The following ANKS1B variants were observed in gnomAD, a reference collection of about 807,000 sequenced individuals.
The protein encoded by ANKS1B is ankyrin repeat and sterile alpha motif domain containing 1B.
A neutral mutation model predicts 148.3 loss-of-function variants in ANKS1B; 36 were observed. The ratio of observed to expected loss-of-function variants is 0.24; its 90% confidence interval spans 0.19 to 0.32. The LOEUF is 0.32. ANKS1B is among the 10% of genes least tolerant of loss of function. ANKS1B has a pLI of 1.00. For missense variants in ANKS1B, 1,157 were observed against 1,542.6 expected (o/e 0.75, Z 4.19); for synonymous variants, 542 against 560.8 (o/e 0.97, Z 0.47).
At chr12:99,916,971 T>C (rs1272805180) in intron 1 of ANKS1B, among the ~76,000 whole-genome samples, 2 of 152,204 alleles carry the variant, frequency 1.3e-5, no homozygotes, top group Admixed American at 6.5e-5. Flanking sequence ...TACAAAAAGA[T>C]CACTCATGTT....
rs1030060354 is a variant in ANKS1B, at chr12:99,065,583, A to T, written c.2626-12274T>A. 1.0e-4 allele frequency among the ~76,000 whole-genome samples: 15 copies of T among 149,348 alleles called. 1 individual carries two copies. Among genetic ancestry groups the T allele is most frequent in the African/African-American group, 3.8e-4 (15 of 39,866 alleles). On this transcript the variant is annotated intron_variant, in intron 16 of 26. Coordinates refer to ENST00000683438, the MANE Select transcript of ANKS1B (RefSeq NM_001352186.2). ...TTACAAAAATGAGGACCTACCATCCATTCCATTCATCCATCCATCCATCCA... is the reference window on the plus strand; with the variant it reads ...TTACAAAAATGAGGACCTACCATCCTTTCCATTCATCCATCCATCCATCCA...
At chr12:99,494,127 C>T (rs1595850700) in intron 10 of ANKS1B, among the ~76,000 whole-genome samples, 4 of 152,212 alleles carry the variant, frequency 2.6e-5, no homozygotes, top group Admixed American at 2.6e-4. Flanking sequence ...GGAGGTGTCG[C>T]CAACCTGTGC....
intron 1 of ANKS1B, among the ~76,000 whole-genome samples, chr12:99,956,446 A>G (rs972459429): frequency 1.3e-5 from 2 of 152,170 alleles, no homozygotes; most frequent in Non-Finnish European, 2.9e-5. Flanking sequence ...CTTTCTTTTC[A>G]TCTTCCTTAA....
Position 99,590,258 on chromosome 12 carries a change from CCACACACACA to C in ANKS1B, c.1272+64799_1272+64808del, listed in dbSNP as rs374132496. On this transcript the variant is annotated intron_variant, in intron 9 of 26. Transcript: ENST00000683438. Reference sequence around the variant, plus strand: ...AACATTCACTCACACCCACACCCACCCACACACACACACACACACACACACACACACACGC... The same window carrying C: ...AACATTCACTCACACCCACACCCACCCACACACACACACACACACACACGC... Among the ~76,000 whole-genome samples, 250 of 132,870 alleles carry C rather than the reference CCACACACACA, an allele frequency of 1.9e-3. 2 individuals carry two copies. The highest frequency in any genetic ancestry group is 6.4e-3 in the African/African-American group (239 of 37,476). The allele number at this position is 132,870 out of a possible 152,430, so 87.2% of individuals were successfully genotyped here.
At chr12:99,442,556 T>A (rs1001658334) in intron 11 of ANKS1B, among the ~76,000 whole-genome samples, 2 of 151,918 alleles carry the variant, frequency 1.3e-5, no homozygotes, top group Admixed American at 1.3e-4. Flanking sequence ...TGTAGCCCCT[T>A]TGGAGTGCCA....
intron 10 of ANKS1B, among the ~76,000 whole-genome samples, chr12:99,482,111 T>C (rs1161184377): frequency 6.6e-6 from 1 of 152,036 alleles, no homozygotes; most frequent in East Asian, 1.9e-4. Context: ...CCTTGGCTGA[T>C]GTCTACATAA....
At chr12:99,522,064 T>C (rs1360238461) in intron 9 of ANKS1B, among the ~76,000 whole-genome samples, 2 of 152,214 alleles carry the variant, frequency 1.3e-5, no homozygotes, top group African/African-American at 4.8e-5. Flanking sequence ...GATGTTCTAT[T>C]CTACTGCAGG....
At chr12:98,762,679 G>T (rs933529560) in intron 25 of ANKS1B, among the ~76,000 whole-genome samples, 4 of 152,176 alleles carry the variant, frequency 2.6e-5, no homozygotes, top group African/African-American at 9.7e-5. Context: ...AGCCTTCTTT[G>T]AATCTCCTTT....
At chr12:99,289,830 T>C (rs990761779) in intron 12 of ANKS1B, among the ~76,000 whole-genome samples, 4 of 151,872 alleles carry the variant, frequency 2.6e-5, no homozygotes, top group African/African-American at 7.2e-5. Flanking sequence ...AAAAACTTTA[T>C]ATAAACTACT....
intron 15 of ANKS1B, among the ~76,000 whole-genome samples, chr12:99,141,313 G>A (rs949136529): frequency 5.3e-5 from 8 of 151,682 alleles, no homozygotes; most frequent in Middle Eastern, 3.5e-3. Context: ...CATGGCTTCC[G>A]TGGCTCTCAT....
intron 9 of ANKS1B, among the ~76,000 whole-genome samples, chr12:99,629,085 T>C (rs1261507436): frequency 6.6e-6 from 1 of 152,152 alleles, no homozygotes; most frequent in African/African-American, 2.4e-5. Context: ...TCATATTATC[T>C]ATGGCTCATG....
chr12:99,902,215 T>C (rs1455210615), intron 1 of ANKS1B, among the ~76,000 whole-genome samples: 3 of 152,188 alleles, frequency 2.0e-5, no homozygotes, highest in Non-Finnish European at 4.4e-5. Flanking sequence ...GGTGACATTT[T>C]AGCTGAAATA....
chr12:99,341,507 C>T (rs184704302), intron 12 of ANKS1B, among the ~76,000 whole-genome samples: 4 of 152,264 alleles, frequency 2.6e-5, no homozygotes, highest in Non-Finnish European at 5.9e-5. Flanking sequence ...ATCTCTATCA[C>T]CATGCTTGCC....
intron 8 of ANKS1B, among the ~76,000 whole-genome samples, chr12:99,702,524 A>G (rs2055002284): frequency 6.6e-6 from 1 of 151,760 alleles, no homozygotes; most frequent in African/African-American, 2.4e-5. Flanking sequence ...TTACTTTCCT[A>G]TGCAGAAGGT....
chr12:98,813,594 G>A (rs1218112306), intron 19 of ANKS1B, among the ~76,000 whole-genome samples: 1 of 151,840 alleles, frequency 6.6e-6, no homozygotes, highest in Non-Finnish European at 1.5e-5. Flanking sequence ...CCAGGCTGGA[G>A]TACAGTGGCA....
chr12:99,681,349 G>A (rs2098615659), intron 8 of ANKS1B, among the ~76,000 whole-genome samples: 1 of 152,206 alleles, frequency 6.6e-6, no homozygotes, highest in African/African-American at 2.4e-5. Context: ...GTCTGTCCAT[G>A]TGACAACTTC....
chr12:99,222,777 A>G (rs567680527), intron 14 of ANKS1B, among the ~76,000 whole-genome samples: 26 of 152,330 alleles, frequency 1.7e-4, no homozygotes, highest in African/African-American at 5.8e-4. Context: ...CAGAGGCTCT[A>G]TATCTTTCTC....
chr12:99,836,982 A>T (rs147851221), intron 1 of ANKS1B, among the ~76,000 whole-genome samples: 1 of 152,278 alleles, frequency 6.6e-6, no homozygotes, highest in Non-Finnish European at 1.5e-5. Flanking sequence ...CATATTTTGT[A>T]TTACACAGCA....
intron 10 of ANKS1B, among the ~76,000 whole-genome samples, chr12:99,492,091 C>G (rs2096560990): frequency 6.6e-6 from 1 of 151,800 alleles, no homozygotes; most frequent in East Asian, 1.9e-4. Context: ...CATGAAAAAC[C>G]GTTCAAAAGA....
Sources: allele counts gnomAD v4.1 joint callset (sites outside exome capture counted in the v4.1 genomes callset), GRCh38; gene constraint gnomAD v4.1.1; transcripts MANE v1.5; gene names NCBI Gene and HGNC (gene_info 2026-07-23, HGNC 2026-07-21).